Variants in SLC14A2 observed in about 807,000 individuals in gnomAD.
SLC14A2 encodes urea transporter 2.
SLC14A2 carries 91 observed loss-of-function variants against 104.6 expected under a neutral mutation model. The observed-to-expected ratio is 0.87, with a 90% CI of 0.73 to 1.04. The LOEUF (loss-of-function observed/expected upper bound fraction) is 1.04, where lower values mean the gene tolerates loss of function less well. SLC14A2 is among the 50% of genes least tolerant of loss of function. SLC14A2 has a pLI of 0.00. For synonymous variants in SLC14A2, 476 were observed against 466.4 expected, an observed-to-expected ratio of 1.02 and a Z score of -0.27; for missense variants, 1,189 against 1,156.0, an observed-to-expected ratio of 1.03 and a Z score of -0.41.
At chr18:45,314,352 A>T (rs2085107983) in intron 1 of SLC14A2, among the ~76,000 whole-genome samples, 1 of 152,188 alleles carries the variant, frequency 6.6e-6, no homozygotes, top group Admixed American at 6.5e-5. Flanking sequence ...AATACAAAAT[A>T]CTGAAGATAC....
intron 2 of SLC14A2, among the ~76,000 whole-genome samples, chr18:45,498,326 G>A (rs967043776): frequency 6.6e-6 from 1 of 152,206 alleles, no homozygotes; most frequent in Middle Eastern, 3.2e-3. Flanking sequence ...CTGTGAGGCT[G>A]AGAGCTCAAG....
chr18:45,630,363 C>A (rs1319637273), intron 4 of SLC14A2, among the ~76,000 whole-genome samples: 1 of 152,160 alleles, frequency 6.6e-6, no homozygotes, highest in Non-Finnish European at 1.5e-5. Context: ...CCATCACCCC[C>A]ACTACCCTTT....
chr18:45,329,809 C>G (rs2085271508), intron 1 of SLC14A2, among the ~76,000 whole-genome samples: 1 of 151,998 alleles, frequency 6.6e-6, no homozygotes, highest in Non-Finnish European at 1.5e-5. Context: ...ATGCATGGAG[C>G]CAACACAAAG....
chr18:45,224,103 G>A (rs529535182), intron 1 of SLC14A2, among the ~76,000 whole-genome samples: 43 of 152,250 alleles, frequency 2.8e-4, no homozygotes, highest in Admixed American at 2.1e-3. Context: ...GTTCCCAAGC[G>A]GTAAAGAGAC....
intron 2 of SLC14A2, among the ~76,000 whole-genome samples, chr18:45,561,447 T>C (rs2044200152): frequency 6.6e-6 from 1 of 152,172 alleles, no homozygotes; most frequent in African/African-American, 2.4e-5. Flanking sequence ...AGAGGCCACG[T>C]TCCTGGCCTG....
intron 1 of SLC14A2, among the ~76,000 whole-genome samples, chr18:45,441,790 A>G (rs1347834577): frequency 2.0e-5 from 3 of 152,216 alleles, no homozygotes; most frequent in African/African-American, 7.2e-5. Flanking sequence ...AACAATATGA[A>G]GCATGCACTG....
the SLC14A2 span, among the ~76,000 whole-genome samples, chr18:45,204,599 T>C: frequency 0.019 from 2,951 of 152,272 alleles, 97 homozygotes; most frequent in African/African-American, 0.067. Flanking sequence ...GTATTGTAAA[T>C]TCATTGTGGC....
intron 19 of SLC14A2, among the ~76,000 whole-genome samples, chr18:45,682,117 G>A (rs1031443740): frequency 7.2e-5 from 11 of 152,204 alleles, no homozygotes; most frequent in African/African-American, 2.7e-4. Flanking sequence ...CCCAGTGGCT[G>A]CATTTTGAAA....
At chr18:45,498,593 C>T (rs1215308770) in intron 2 of SLC14A2, among the ~76,000 whole-genome samples, 3 of 152,228 alleles carry the variant, frequency 2.0e-5, no homozygotes, top group African/African-American at 7.2e-5. Flanking sequence ...ATCTCCACTC[C>T]TGTTCCTGGA....
intron 17 of SLC14A2, among the ~76,000 whole-genome samples, chr18:45,673,255 C>T (rs942183473): frequency 6.6e-6 from 1 of 152,206 alleles, no homozygotes; most frequent in Non-Finnish European, 1.5e-5. Flanking sequence ...TGGTGTTAGT[C>T]ATTCACACCT....
chr18:45,533,699 T>A (rs1288414322), intron 2 of SLC14A2, among the ~76,000 whole-genome samples: 2 of 152,230 alleles, frequency 1.3e-5, no homozygotes, highest in East Asian at 1.9e-4. Context: ...TCTATTTCCT[T>A]CAGTTCTGCT....
At chr18:45,412,999 G>A (rs542985545) in intron 1 of SLC14A2, among the ~76,000 whole-genome samples, 2 of 152,296 alleles carry the variant, frequency 1.3e-5, no homozygotes, top group East Asian at 3.9e-4. Context: ...CTGGTTTCTT[G>A]AAATCAGAAA....
At chr18:45,530,619 T>C (rs2043669577) in intron 2 of SLC14A2, among the ~76,000 whole-genome samples, 2 of 152,068 alleles carry the variant, frequency 1.3e-5, no homozygotes, top group African/African-American at 2.4e-5. Context: ...CAATGGCCAA[T>C]AAAGTGCTGC....
intron 18 of SLC14A2, among the ~76,000 whole-genome samples, chr18:45,675,709 A>ATATATTTTT (rs57989993): frequency 5.1e-5 from 4 of 78,396 alleles, no homozygotes; most frequent in East Asian, 5.2e-4. Context: ...ATATATATAT[A>ATATATTTTT]TTTTTTTTTT....
chr18:45,174,103 A>G, the SLC14A2 span, among the ~76,000 whole-genome samples: 173 of 152,184 alleles, frequency 1.1e-3, no homozygotes, highest in East Asian at 1.2e-3. Context: ...CTCCCACCCC[A>G]GGGCAGCCCC....
intron 2 of SLC14A2, among the ~76,000 whole-genome samples, chr18:45,577,148 T>G (rs1040070042): frequency 2.2e-4 from 17 of 77,468 alleles, no homozygotes; most frequent in Non-Finnish European, 3.6e-4. Flanking sequence ...GGGGAGTTGT[T>G]TCTTATCTCT....
At chr18:45,410,320 T>C (rs1243805035) in intron 1 of SLC14A2, among the ~76,000 whole-genome samples, 4 of 152,180 alleles carry the variant, frequency 2.6e-5, no homozygotes, top group African/African-American at 9.7e-5. Flanking sequence ...CTAGATAACT[T>C]GTTTTACTTT....
Position 45,659,820 on chromosome 18 carries a change from T to C in SLC14A2, c.1352-3965T>C, listed in dbSNP as rs76946555. 2.2e-3 allele frequency among the ~76,000 whole-genome samples: 338 copies of C among 152,322 alleles called. 6 individuals carry two copies. The East Asian group carries it at 0.048, about 22-fold the overall frequency. ...AAATATCTAATGACTTTGTCCATTA[T>C]ACTAGTCAGAAATTAAAATACAGGC... On this transcript the variant is annotated intron_variant, in intron 10 of 19. Coordinates refer to ENST00000255226, the MANE Select transcript of SLC14A2 (RefSeq NM_007163.4).
intron 1 of SLC14A2, among the ~76,000 whole-genome samples, chr18:45,275,964 AGG>A (rs2084698092): frequency 1.3e-5 from 2 of 152,258 alleles, no homozygotes; most frequent in African/African-American, 4.8e-5. Context: ...CTATATGGTC[AGG>A]AAAACCTGTT....
Sources: gnomAD v4.1 joint callset for allele counts (sites outside exome capture counted in the v4.1 genomes callset) on GRCh38, gnomAD v4.1.1 for gene constraint, MANE v1.5 for transcripts, NCBI Gene and HGNC (gene_info 2026-07-23, HGNC 2026-07-21) for gene names.